Variants in PDE1A observed in about 807,000 individuals in gnomAD.
The protein encoded by PDE1A is phosphodiesterase 1A, also known as dual specificity calcium/calmodulin-dependent 3',5'-cyclic nucleotide phosphodiesterase 1A.
A neutral mutation model predicts 61.7 loss-of-function variants in PDE1A; 35 were observed. The observed-to-expected ratio is 0.57, with a 90% CI of 0.43 to 0.75. The LOEUF (loss-of-function observed/expected upper bound fraction) is 0.75. PDE1A is among the 30% of genes least tolerant of loss of function. PDE1A has a pLI of 0.00. For missense variants in PDE1A, 597 were observed against 630.6 expected (o/e 0.95, Z 0.57); for synonymous variants, 232 against 213.2 (o/e 1.09, Z -0.77).
At chr2:182,706,831 T>G in the PDE1A span, among the ~76,000 whole-genome samples, 1 of 152,210 alleles carries the variant, frequency 6.6e-6, no homozygotes, top group African/African-American at 2.4e-5. Flanking sequence ...TTAAATATGT[T>G]CCAGGGTTTA....
At chr2:182,408,181 CAAAAAAAAA>C (rs5836834) in intron 1 of PDE1A, among the ~76,000 whole-genome samples, 2 of 116,100 alleles carry the variant, frequency 1.7e-5, no homozygotes, top group Non-Finnish European at 3.5e-5. Flanking sequence ...AAGTATCTGC[CAAAAAAAAA>C]AAAAAAAAAG....
intron 2 of PDE1A, among the ~76,000 whole-genome samples, chr2:182,508,016 G>A (rs1327368350): frequency 6.6e-6 from 1 of 151,826 alleles, no homozygotes; most frequent in Non-Finnish European, 1.5e-5. Context: ...TGACTTCAGG[G>A]AAGAGCATTC....
At chr2:182,260,722 G>C (rs1195060684) in intron 2 of PDE1A, among the ~76,000 whole-genome samples, 1 of 152,292 alleles carries the variant, frequency 6.6e-6, no homozygotes, top group East Asian at 1.9e-4. Context: ...AACTACTGAA[G>C]GCAGAATTGG....
intron 2 of PDE1A, among the ~76,000 whole-genome samples, chr2:182,501,776 T>C (rs1689096497): frequency 6.6e-6 from 1 of 152,156 alleles, no homozygotes; most frequent in Admixed American, 6.6e-5. Context: ...CATGTCCTCA[T>C]TTCTCTCCCT....
chr2:182,586,139 A>G, the PDE1A span, among the ~76,000 whole-genome samples: 1 of 152,208 alleles, frequency 6.6e-6, no homozygotes. Flanking sequence ...ATTCATTTTC[A>G]GTATTCATCC....
chr2:182,214,645 A>G (rs1343417164), intron 7 of PDE1A, among the ~76,000 whole-genome samples: 3 of 148,688 alleles, frequency 2.0e-5, no homozygotes, highest in African/African-American at 5.0e-5. Context: ...CTTTAAACCA[A>G]CAAAGATCAA....
upstream of PDE1A, among the ~76,000 whole-genome samples, chr2:182,526,634 T>C (rs994823425): frequency 2.0e-5 from 3 of 152,234 alleles, no homozygotes; most frequent in African/African-American, 7.2e-5. Flanking sequence ...TCTATGAGTT[T>C]GATTAAACTT....
intron 8 of PDE1A, among the ~76,000 whole-genome samples, chr2:182,202,514 A>G (rs1343353081): frequency 2.0e-5 from 3 of 152,176 alleles, no homozygotes; most frequent in Admixed American, 6.5e-5. Context: ...TTTCCCCCCA[A>G]AGGAGACTGA....
chr2:182,371,872 T>C (rs1016870712), intron 1 of PDE1A, among the ~76,000 whole-genome samples: 1 of 152,154 alleles, frequency 6.6e-6, no homozygotes, highest in Non-Finnish European at 1.5e-5. Context: ...GCAACCTCCG[T>C]TTCCTGGGCT....
intron 2 of PDE1A, among the ~76,000 whole-genome samples, chr2:182,247,570 T>C (rs1691068827): frequency 6.6e-6 from 1 of 152,208 alleles, no homozygotes; most frequent in Admixed American, 6.5e-5. Flanking sequence ...GTACCCGCCT[T>C]GTACTCTGTG....
the PDE1A span, among the ~76,000 whole-genome samples, chr2:182,616,548 T>G: frequency 4.6e-5 from 7 of 152,234 alleles, no homozygotes; most frequent in East Asian, 1.3e-3. Flanking sequence ...ATCATTTTCT[T>G]GATTCAGCTT....
chr2:182,381,457 G>C (rs75753961), intron 1 of PDE1A, among the ~76,000 whole-genome samples: 3,561 of 152,238 alleles, frequency 0.023, 123 homozygotes, highest in African/African-American at 0.08. Context: ...CCCTTTTAAA[G>C]GGCCTTTGTT....
chr2:182,278,462 T>C (rs1338919458), intron 1 of PDE1A, among the ~76,000 whole-genome samples: 1 of 152,034 alleles, frequency 6.6e-6, no homozygotes, highest in Non-Finnish European at 1.5e-5. Context: ...AAGTTTAGCA[T>C]TAAAATAGAG....
intron 2 of PDE1A, among the ~76,000 whole-genome samples, chr2:182,491,110 T>C (rs6751461): frequency 0.053 from 8,005 of 152,346 alleles, 247 homozygotes; most frequent in Middle Eastern, 0.099. Context: ...ACAGCAACTA[T>C]GTTGGCACCA....
chr2:182,171,088 T>G (rs1258017579), intron 13 of PDE1A, among the ~76,000 whole-genome samples: 1 of 151,996 alleles, frequency 6.6e-6, no homozygotes, highest in Non-Finnish European at 1.5e-5. Flanking sequence ...TTTTTTTGTT[T>G]CCTACTGAGA....
the PDE1A span, among the ~76,000 whole-genome samples, chr2:182,694,204 G>A: frequency 6.6e-6 from 1 of 152,122 alleles, no homozygotes; most frequent in Non-Finnish European, 1.5e-5. Flanking sequence ...TGGATATCCA[G>A]GTGTCCTAGC....
chr2:182,713,892 A>C, the PDE1A span, among the ~76,000 whole-genome samples: 1 of 152,194 alleles, frequency 6.6e-6, no homozygotes, highest in Non-Finnish European at 1.5e-5. Context: ...CTCAGCTCCT[A>C]GCCAATCTTT....
chr2:182,415,851 A>G (rs1702882890), intron 1 of PDE1A, among the ~76,000 whole-genome samples: 1 of 152,206 alleles, frequency 6.6e-6, no homozygotes, highest in South Asian at 2.1e-4. Context: ...AAGTAGCTAA[A>G]AACAATGTTT....
At position 182,520,944 on chromosome 2, in the gene PDE1A, T is replaced by C. The variant is rs571369883; in HGVS notation, c.101+1332A>G. Among the ~76,000 whole-genome samples, 3 of 152,154 alleles carry C rather than the reference T, an allele frequency of 2.0e-5. No individual in the cohort carries two copies. The South Asian group carries it at 6.2e-4, about 32-fold the overall frequency. On this transcript the variant is annotated intron_variant, in intron 2 of 14. Transcript: ENST00000410103. Reference sequence around the variant, plus strand: ...CTAGAGAACAACCTCACCAAAAAGCTGTAATTTCTAAATCTTCAATGGATC... The same window carrying C: ...CTAGAGAACAACCTCACCAAAAAGCCGTAATTTCTAAATCTTCAATGGATC...
Sources: gnomAD v4.1 joint callset for allele counts (sites outside exome capture counted in the v4.1 genomes callset) on GRCh38, gnomAD v4.1.1 for gene constraint, MANE v1.5 for transcripts, NCBI Gene and HGNC (gene_info 2026-07-23, HGNC 2026-07-21) for gene names.